The following STARD6 variants were observed in gnomAD, a reference collection of about 807,000 sequenced individuals.
STARD6 encodes stAR-related lipid transfer protein 6.
STARD6 carries 21 observed loss-of-function variants against 22.3 expected under a neutral mutation model. The observed-to-expected ratio is 0.94, with a 90% CI of 0.67 to 1.35. The LOEUF is 1.35. Ranked by LOEUF, STARD6 falls within the 40% of genes most tolerant of loss-of-function variation. The pLI is 0.00. For missense variants in STARD6, 269 were observed against 266.9 expected (o/e 1.01, Z -0.05); for synonymous variants, 80 against 88.1 (o/e 0.91, Z 0.52).
At chr18:54,343,285 T>C (rs1295357389) in intron 4 of STARD6, among the ~76,000 whole-genome samples, 40 of 106,244 alleles carry the variant, frequency 3.8e-4, no homozygotes, top group Non-Finnish European at 6.6e-4. Context: ...GTCTGAGAAG[T>C]GAGGAGCCTC....
rs376941653 is a variant in STARD6 at position 54,357,338 on chromosome 18, G to T, written c.-89+454C>A. 2.0e-5 allele frequency among the ~76,000 whole-genome samples: 3 copies of T among 152,106 alleles called. No individual in the cohort carries two copies. The East Asian group carries it at 5.8e-4, about 29-fold the overall frequency. ...CTGCCATTCTTCCCTGGGAATCAAGGCTTCCTAGGAGTTTGTTAAATCCCA... is the reference window on the plus strand; with the variant it reads ...CTGCCATTCTTCCCTGGGAATCAAGTCTTCCTAGGAGTTTGTTAAATCCCA... On this transcript the variant is annotated intron_variant, in intron 1 of 7. Transcript: ENST00000307844.
intron 4 of STARD6, among the ~76,000 whole-genome samples, chr18:54,348,910 C>T (rs1368916003): frequency 2.0e-5 from 3 of 151,944 alleles, no homozygotes; most frequent in Non-Finnish European, 2.9e-5. Context: ...TTTTTTTGTA[C>T]TGCAGTTATA....
chr18:54,341,180 C>T (rs1432525271), intron 4 of STARD6, among the ~76,000 whole-genome samples: 1 of 151,576 alleles, frequency 6.6e-6, no homozygotes, highest in Non-Finnish European at 1.5e-5. Context: ...CTGCCTCAGC[C>T]TGCCAAGTAG....
intron 4 of STARD6, among the ~76,000 whole-genome samples, chr18:54,341,260 C>T (rs1483192542): frequency 1.3e-5 from 2 of 152,156 alleles, no homozygotes; most frequent in African/African-American, 2.4e-5. Context: ...GGGGTTTCAC[C>T]GTGTTAGCCA....
chr18:54,350,979 C>T (rs1299253391), intron 4 of STARD6, among the ~76,000 whole-genome samples: 1 of 151,962 alleles, frequency 6.6e-6, no homozygotes. Flanking sequence ...TTTTTTGGTT[C>T]CATACGAATT....
At chr18:54,350,841 CG>C (rs1423141334) in intron 4 of STARD6, among the ~76,000 whole-genome samples, 1 of 151,986 alleles carries the variant, frequency 6.6e-6, no homozygotes, top group Non-Finnish European at 1.5e-5. Flanking sequence ...CATTGATCTA[CG>C]TGCCTGTTTT....
intron 7 of STARD6, among the ~76,000 whole-genome samples, chr18:54,327,520 G>A (rs2088833821): frequency 6.6e-6 from 1 of 152,128 alleles, no homozygotes; most frequent in Non-Finnish European, 1.5e-5. Flanking sequence ...ATTTTGAAAT[G>A]AATAATTTAA....
chr18:54,341,088 C>A (rs971628455), intron 4 of STARD6, among the ~76,000 whole-genome samples: 4 of 152,278 alleles, frequency 2.6e-5, no homozygotes, highest in African/African-American at 9.6e-5. Flanking sequence ...CAGAGTCTTG[C>A]TCTGTTGCCC....
At chr18:54,335,173 TA>T (rs2088897178) in intron 5 of STARD6, among the ~76,000 whole-genome samples, 1 of 60,546 alleles carries the variant, frequency 1.7e-5, no homozygotes, top group Non-Finnish European at 4.4e-5. Flanking sequence ...GGTGGTTATT[TA>T]TTTATTTATT....
chr18:54,328,891 T>C (rs748685585), intron 7 of STARD6, among the ~76,000 whole-genome samples: 19 of 152,216 alleles, frequency 1.2e-4, no homozygotes, highest in Non-Finnish European at 2.2e-4. Flanking sequence ...TGAATGTACC[T>C]ACTGGATCTC....
intron 4 of STARD6, among the ~76,000 whole-genome samples, chr18:54,351,481 T>C (rs187281565): frequency 1.2e-4 from 18 of 152,340 alleles, no homozygotes; most frequent in Non-Finnish European, 7.4e-5. Flanking sequence ...TCCAGTACTA[T>C]GTTGAATAGA....
At chr18:54,343,545 G>A (rs1313628647) in intron 4 of STARD6, among the ~76,000 whole-genome samples, 3 of 64,218 alleles carry the variant, frequency 4.7e-5, no homozygotes, top group African/African-American at 1.6e-4. Flanking sequence ...GGAGGGAGGT[G>A]GGGGGGTCAG....
At chr18:54,349,480 G>T (rs1464539924) in intron 4 of STARD6, among the ~76,000 whole-genome samples, 1 of 152,186 alleles carries the variant, frequency 6.6e-6, no homozygotes, top group African/African-American at 2.4e-5. Context: ...GGCCCAGATA[G>T]TTACCTGCAC....
intron 4 of STARD6, among the ~76,000 whole-genome samples, chr18:54,340,819 A>G (rs1329970405): frequency 6.6e-6 from 1 of 152,244 alleles, no homozygotes; most frequent in Admixed American, 6.5e-5. Flanking sequence ...ATGGAACCAT[A>G]GTGAGCTGAG....
intron 4 of STARD6, among the ~76,000 whole-genome samples, chr18:54,349,290 A>G (rs2089070519): frequency 6.6e-6 from 1 of 152,128 alleles, no homozygotes; most frequent in South Asian, 2.1e-4. Context: ...TCTTGAACAT[A>G]AAAATGACAT....
intron 7 of STARD6, among the ~76,000 whole-genome samples, chr18:54,327,620 G>A (rs1006371349): frequency 1.3e-5 from 2 of 151,984 alleles, no homozygotes; most frequent in African/African-American, 2.4e-5. Flanking sequence ...AATGTTTAGC[G>A]CATGCTGGGA....
At chr18:54,355,330 A>G (rs1479111379) in intron 2 of STARD6, among the ~76,000 whole-genome samples, 1 of 152,200 alleles carries the variant, frequency 6.6e-6, no homozygotes, top group Non-Finnish European at 1.5e-5. Flanking sequence ...GATCAAGTTT[A>G]AATCAACTCA....
At chr18:54,353,581 G>T (rs1396010160) in intron 4 of STARD6, among the ~76,000 whole-genome samples, 1 of 152,154 alleles carries the variant, frequency 6.6e-6, no homozygotes, top group African/African-American at 2.4e-5. Flanking sequence ...GACTGCTTGA[G>T]CCCAGAAGGC....
intron 7 of STARD6, among the ~76,000 whole-genome samples, chr18:54,326,893 C>T (rs191318494): frequency 4.9e-4 from 75 of 152,032 alleles, no homozygotes; most frequent in African/African-American, 1.8e-3. Context: ...ATATTGAATG[C>T]TGTCTTATTT....
Sources: allele counts gnomAD v4.1 joint callset (sites outside exome capture counted in the v4.1 genomes callset), GRCh38; gene constraint gnomAD v4.1.1; transcripts MANE v1.5; gene names NCBI Gene and HGNC (gene_info 2026-07-23, HGNC 2026-07-21).